Variants in GPC6 observed in about 807,000 individuals in gnomAD.
GPC6 encodes the protein glypican 6, also known as glypican-6.
GPC6 carries 14 observed loss-of-function variants against 55.2 expected under a neutral mutation model. That is an observed-to-expected ratio of 0.25 (90% CI 0.17 to 0.40). The LOEUF (loss-of-function observed/expected upper bound fraction) is 0.40. Among genes scored for constraint, GPC6 ranks in the 10% least tolerant of loss-of-function variants. GPC6 has a pLI of 1.00. For synonymous variants in GPC6, 278 were observed against 259.6 expected, an observed-to-expected ratio of 1.07 and a Z score of -0.68; for missense variants, 641 against 708.5, an observed-to-expected ratio of 0.90 and a Z score of 1.08.
intron 2 of GPC6, among the ~76,000 whole-genome samples, chr13:93,814,344 T>C (rs1886783837): frequency 6.6e-6 from 1 of 152,138 alleles, no homozygotes; most frequent in Admixed American, 6.6e-5. Flanking sequence ...TTTCATTAGA[T>C]ATTTATTTGT....
intron 3 of GPC6, among the ~76,000 whole-genome samples, chr13:93,947,377 GA>G (rs200611953): frequency 2.6e-5 from 4 of 151,062 alleles, no homozygotes; most frequent in African/African-American, 7.3e-5. Context: ...CCATCCATCG[GA>G]AAAAAAAGAG....
chr13:93,904,710 T>C (rs994263528), intron 3 of GPC6, among the ~76,000 whole-genome samples: 1 of 152,164 alleles, frequency 6.6e-6, no homozygotes, highest in Non-Finnish European at 1.5e-5. Context: ...CACTCCAGCC[T>C]GGGTGACAGA....
chr13:93,718,932 A>T (rs1883346705), intron 2 of GPC6, among the ~76,000 whole-genome samples: 1 of 151,790 alleles, frequency 6.6e-6, no homozygotes, highest in African/African-American at 2.4e-5. Flanking sequence ...GTTCTATTCC[A>T]TTGTTCTATA....
intron 4 of GPC6, among the ~76,000 whole-genome samples, chr13:94,254,893 C>G (rs1450373708): frequency 2.0e-5 from 3 of 152,116 alleles, no homozygotes. Flanking sequence ...CCTGAATCAT[C>G]ACAAAAGCTC....
At chr13:94,147,423 T>C (rs1283126546) in intron 4 of GPC6, among the ~76,000 whole-genome samples, 1 of 152,192 alleles carries the variant, frequency 6.6e-6, no homozygotes, top group African/African-American at 2.4e-5. Context: ...ACTCACTAGC[T>C]GAATGAGCTT....
At chr13:94,348,017 A>G (rs1303840816) in intron 6 of GPC6, among the ~76,000 whole-genome samples, 3 of 152,216 alleles carry the variant, frequency 2.0e-5, no homozygotes, top group Non-Finnish European at 4.4e-5. Flanking sequence ...ATCTGATTCC[A>G]GTCATTGCCA....
At chr13:94,176,429 C>G (rs1239773505) in intron 4 of GPC6, among the ~76,000 whole-genome samples, 1 of 152,158 alleles carries the variant, frequency 6.6e-6, no homozygotes, top group Non-Finnish European at 1.5e-5. Context: ...ATAGACATAG[C>G]AGAACCGATA....
chr13:94,391,921 T>G (rs537335582), intron 7 of GPC6, among the ~76,000 whole-genome samples: 104 of 152,350 alleles, frequency 6.8e-4, no homozygotes, highest in South Asian at 6.4e-3. Flanking sequence ...CTGTCTTATT[T>G]CACTTACTAT....
intron 1 of GPC6, among the ~76,000 whole-genome samples, chr13:93,364,877 G>A (rs1167721181): frequency 1.3e-5 from 2 of 151,674 alleles, no homozygotes; most frequent in Non-Finnish European, 1.5e-5. Context: ...CCATATTATT[G>A]CATACATTAC....
At chr13:93,750,065 A>G (rs1202437702) in intron 2 of GPC6, among the ~76,000 whole-genome samples, 4 of 152,216 alleles carry the variant, frequency 2.6e-5, no homozygotes, top group African/African-American at 9.6e-5. Context: ...AATAAATGAC[A>G]AACAGACTTA....
intron 2 of GPC6, among the ~76,000 whole-genome samples, chr13:93,711,251 C>T (rs1883048374): frequency 6.6e-6 from 1 of 151,810 alleles, no homozygotes; most frequent in African/African-American, 2.4e-5. Context: ...CACAGTTCCA[C>T]ATGGCTGAGG....
intron 4 of GPC6, among the ~76,000 whole-genome samples, chr13:94,075,519 AAT>A (rs1357268666): frequency 2.0e-5 from 3 of 152,082 alleles, no homozygotes; most frequent in African/African-American, 7.2e-5. Flanking sequence ...CCATACTGTT[AAT>A]TATAGGCGAT....
At chr13:93,888,600 A>G (rs1875480922) in intron 3 of GPC6, among the ~76,000 whole-genome samples, 1 of 152,188 alleles carries the variant, frequency 6.6e-6, no homozygotes, top group South Asian at 2.1e-4. Flanking sequence ...GAACACCAGA[A>G]ATCTCCCCTG....
At chr13:94,110,024 G>A (rs1352493513) in intron 4 of GPC6, among the ~76,000 whole-genome samples, 1 of 143,004 alleles carries the variant, frequency 7.0e-6, no homozygotes, top group Non-Finnish European at 1.5e-5. Flanking sequence ...ATTATCTTGA[G>A]TGTCCCAGAT....
intron 1 of GPC6, among the ~76,000 whole-genome samples, chr13:93,543,799 C>G (rs930752763): frequency 5.3e-5 from 8 of 152,108 alleles, no homozygotes; most frequent in African/African-American, 1.9e-4. Flanking sequence ...GCAAACGTCT[C>G]TTTGATGTAT....
intron 3 of GPC6, among the ~76,000 whole-genome samples, chr13:94,013,854 C>A (rs1209478142): frequency 6.6e-6 from 1 of 152,134 alleles, no homozygotes; most frequent in African/African-American, 2.4e-5. Flanking sequence ...TCTGCAGTTA[C>A]AGTTATTAGA....
chr13:94,011,576 G>A (rs989269985), intron 3 of GPC6, among the ~76,000 whole-genome samples: 4 of 152,060 alleles, frequency 2.6e-5, no homozygotes, highest in South Asian at 2.1e-4. Flanking sequence ...TGTTGTTCTC[G>A]GAATATGTTT....
At chr13:93,624,320 G>A (rs564307355) in intron 2 of GPC6, among the ~76,000 whole-genome samples, 8 of 152,230 alleles carry the variant, frequency 5.3e-5, no homozygotes, top group Non-Finnish European at 1.2e-4. Context: ...CATCTCACAG[G>A]AATGAACAGA....
intron 2 of GPC6, among the ~76,000 whole-genome samples, chr13:93,624,485 A>G (rs549343747): frequency 6.6e-6 from 1 of 152,336 alleles, no homozygotes; most frequent in South Asian, 2.1e-4. Context: ...ACTAAGAGCT[A>G]TTTCATTGTG....
Sources: allele counts gnomAD v4.1 joint callset (sites outside exome capture counted in the v4.1 genomes callset), GRCh38; gene constraint gnomAD v4.1.1; transcripts MANE v1.5; gene names NCBI Gene and HGNC (gene_info 2026-07-23, HGNC 2026-07-21).